ID2: variants seen among roughly 807,000 people sequenced by gnomAD.
ID2 encodes the protein DNA-binding protein inhibitor ID-2.
ID2 carries 2 observed loss-of-function variants against 8.3 expected under a neutral mutation model. That is an observed-to-expected ratio of 0.24 (90% CI 0.10 to 0.76). The LOEUF is 0.76. ID2 is among the 30% of genes least tolerant of loss of function. ID2 has a pLI of 0.73. For missense variants in ID2, 155 were observed against 167.0 expected (o/e 0.93, Z 0.40); for synonymous variants, 112 against 72.3 (o/e 1.55, Z -2.79).
Position 8,683,781 on chromosome 2 carries a change from GA to G in ID2, c.*105del, listed in dbSNP as rs1662162397. 6.6e-6 allele frequency: 1 copy of G among 152,212 alleles called. No homozygotes were observed. The highest frequency in any genetic ancestry group is 2.4e-5 in the African/African-American group (1 of 41,234). 9.4% of individuals were successfully genotyped at this position (152,212 alleles called of 1,614,324 possible). On this transcript the variant is annotated 3_prime_UTR_variant, in exon 3 of 3. Transcript: ENST00000396290. Reference sequence around the variant, plus strand: ...ACTTATTTTTCAACCATTTCACAAGGAGGACAAGTTGAATGGACCTTTTTAA... The same window carrying G: ...ACTTATTTTTCAACCATTTCACAAGGGGACAAGTTGAATGGACCTTTTTAA...
intron 1 of ID2, 61 bp from the exon 2 acceptor site, chr2:8,682,782 A>AAAAAAAC (rs1662120969): frequency 9.2e-6 from 8 of 870,690 alleles, no homozygotes; most frequent in African/African-American, 1.7e-5. Context: ...AAAAAAAAAA[A>AAAAAAAC]AAAAACCCTT....
chr2:8,684,124 A>T lies in ID2; in HGVS notation c.*447A>T, dbSNP rs1572357785. On this transcript the variant is annotated 3_prime_UTR_variant, in exon 3 of 3. Transcript: ENST00000396290. ...CACAAGCCTACTGAATGCTGTGTAT[A>T]TATTTATATATAAATATATCTATTT... The T allele has an allele frequency of 6.6e-6, 1 of 152,362 alleles. No homozygotes were observed. Among genetic ancestry groups the T allele is most frequent in the East Asian group, 1.9e-4 (1 of 5,186 alleles). 9.4% of individuals were successfully genotyped at this position (152,362 alleles called of 1,614,324 possible). A position where few individuals can be genotyped will look rare whatever the true frequency, so the allele number is the denominator to read the frequency against.
Position 8,682,129 on chromosome 2 carries a change from C to T in ID2, c.-37C>T, listed in dbSNP as rs1662091429. Reference sequence around the variant, plus strand: ...GCGGCGGCCTGAGCTTCAGGGCAGCCAGCTCCCTCCCGGTCTCGCCTTCCC... The same window carrying T: ...GCGGCGGCCTGAGCTTCAGGGCAGCTAGCTCCCTCCCGGTCTCGCCTTCCC... On this transcript the variant is annotated 5_prime_UTR_variant, in exon 1 of 3. Coordinates refer to ENST00000396290, the MANE Select transcript of ID2 (RefSeq NM_002166.5). The T allele has an allele frequency of 1.3e-6, 2 of 1,555,452 alleles. No individual in the cohort carries two copies. Among genetic ancestry groups the T allele is most frequent in the East Asian group, 2.2e-5 (1 of 44,552 alleles).
chr2:8,682,615 G>A (rs564978708), intron 1 of ID2, 102 bp downstream of exon 1: 3 of 840,386 alleles, frequency 3.6e-6, no homozygotes, highest in South Asian at 3.3e-5. Flanking sequence ...TTTCGTATGA[G>A]CTATTTAACT....
At position 8,682,069 on chromosome 2, in the gene ID2, C is replaced by T. The variant is rs1161387017; in HGVS notation, c.-97C>T. 4.2e-6 allele frequency: 4 copies of T among 958,814 alleles called. No homozygotes were observed. Among genetic ancestry groups the T allele is most frequent in the Non-Finnish European group, 4.7e-6 (3 of 633,292 alleles). The allele number at this position is 958,814 out of a possible 1,614,324, so 59.4% of individuals were successfully genotyped here. On this transcript the variant is annotated 5_prime_UTR_variant, in exon 1 of 3. Coordinates refer to ENST00000396290, the MANE Select transcript of ID2 (RefSeq NM_002166.5). ...GGCTCGGGCTTCATTCTGAGCCGAG[C>T]CCGGTGCCAAGCGCAGCTAGCTCAG...
In ID2 at chr2:8,682,563, C is replaced by T. The variant is rs768297218; in HGVS notation, c.348+50C>T. 6.5e-6 allele frequency: 9 copies of T among 1,389,310 alleles called. No individual in the cohort carries two copies. In the South Asian group the frequency reaches 8.3e-5, roughly 13 times the overall value. 86.1% of individuals were successfully genotyped at this position (1,389,310 alleles called of 1,614,324 possible). On this transcript the variant is annotated intron_variant, in intron 1 of 2. Coordinates refer to ENST00000396290, the MANE Select transcript of ID2 (RefSeq NM_002166.5). Reference sequence around the variant, plus strand: ...CCCCGCCGCCGCACACTCCCGCGGTCGTCTGGGCTGTCACTAGGAGATCCG... The same window carrying T: ...CCCCGCCGCCGCACACTCCCGCGGTTGTCTGGGCTGTCACTAGGAGATCCG...
intron 1 of ID2, 135 bp downstream of exon 1, chr2:8,682,648 T>C: frequency 1.4e-6 from 1 of 726,944 alleles, no homozygotes; most frequent in South Asian, 1.8e-5. Context: ...GAATCTGCTG[T>C]AGATTGAGCT....
Position 8,682,339 on chromosome 2 carries a change from G to A in ID2, c.174G>A (p.Lys58=), listed in dbSNP as rs765559115. 6.8e-6 allele frequency: 11 copies of A among 1,614,060 alleles called. No homozygotes were observed. The highest frequency in any genetic ancestry group is 8.5e-6 in the Non-Finnish European group (10 of 1,180,034). ...ELVPSIPQNK[K]VSKMEILQHV... ...TGCCCAGCATCCCCCAGAACAAGAAGGTGAGCAAGATGGAAATCCTGCAGC... is the reference window on the plus strand; with the variant it reads ...TGCCCAGCATCCCCCAGAACAAGAAAGTGAGCAAGATGGAAATCCTGCAGC... The change falls in exon 1 of 3, where the codon AAG becomes AAA. Residue 58 remains lysine (K), a synonymous_variant. Transcript: ENST00000396290.
chr2:8,682,749 G>T, intron 1 of ID2, 94 bp from the exon 2 acceptor site: 1 of 980,074 alleles, frequency 1.0e-6, no homozygotes, highest in South Asian at 1.4e-5. Flanking sequence ...GGAACTTGCT[G>T]GTCTGTGGAC....
intron 2 of ID2, 196 bp downstream of exon 2, chr2:8,683,102 A>G (rs1489893262): frequency 1.5e-5 from 9 of 597,048 alleles, no homozygotes; most frequent in African/African-American, 1.5e-4. Flanking sequence ...ATCACAGAAC[A>G]TTTTCCTTTA....
At position 8,683,893 on chromosome 2, in the gene ID2, GAA is replaced by G. The variant is rs1285212823; in HGVS notation, c.*220_*221del. On this transcript the variant is annotated 3_prime_UTR_variant, in exon 3 of 3. Transcript: ENST00000396290. ...TTGGACTGTGATATTCGTTATTTAT[GAA>G]AAAGACTTTTAAATGCCCTTTCTGC... The G allele has an allele frequency of 6.6e-6, 1 of 152,492 alleles. No individual in the cohort carries two copies. 9.4% of individuals were successfully genotyped at this position (152,492 alleles called of 1,614,324 possible).
At position 8,682,264 on chromosome 2, in the gene ID2, G is replaced by A; in HGVS notation, c.99G>A (p.Met33Ile). Residue 33 changes from methionine (M) to isoleucine (I), a missense_variant, in exon 1 of 3, where the codon ATG (methionine) becomes ATA (isoleucine). Physicochemically the swap from Met to Ile is conservative, Grantham distance 10. Coordinates refer to ENST00000396290, the MANE Select transcript of ID2 (RefSeq NM_002166.5). ...GCAAAACCCCTGTGGACGACCCGATGAGCCTGCTATACAACATGAACGACT... is the reference window on the plus strand; with the variant it reads ...GCAAAACCCCTGTGGACGACCCGATAAGCCTGCTATACAACATGAACGACT... ...SRSKTPVDDP[M>I]SLLYNMNDCY... 1 of 1,614,124 alleles carries A rather than the reference G, an allele frequency of 6.2e-7. No homozygotes were observed. The highest frequency in any genetic ancestry group is 1.1e-5 in the South Asian group (1 of 91,086).
At chr2:8,683,145 G>A (rs1167377810) in intron 2 of ID2, 3 of 559,834 alleles carry the variant, frequency 5.4e-6, no homozygotes, top group South Asian at 2.1e-5. Context: ...TACTACGAAG[G>A]CGGCCGAGGA....
At chr2:8,682,689 G>T in intron 1 of ID2, 154 bp from the exon 2 acceptor site, 1 of 695,872 alleles carries the variant, frequency 1.4e-6, no homozygotes, top group East Asian at 2.8e-5. Context: ...GTTCTGACAT[G>T]TTAATGCGTC....
At position 8,683,984 on chromosome 2, in the gene ID2, G is replaced by A. The variant is rs901125964; in HGVS notation, c.*307G>A. The A allele has an allele frequency of 6.6e-6, 1 of 152,478 alleles. No individual in the cohort carries two copies. Among genetic ancestry groups the A allele is most frequent in the African/African-American group, 2.4e-5 (1 of 41,442 alleles). The allele number at this position is 152,478 out of a possible 1,614,324, so 9.4% of individuals were successfully genotyped here. A position where few individuals can be genotyped will look rare whatever the true frequency, so the allele number is the denominator to read the frequency against. On this transcript the variant is annotated 3_prime_UTR_variant, in exon 3 of 3. Coordinates refer to ENST00000396290, the MANE Select transcript of ID2 (RefSeq NM_002166.5). ...GGAGCGAAAACGTTAAAATCACAAG[G>A]AATTGCCCAATCTAAGCAGACTTTG...
chr2:8,682,095 C>A lies in ID2; in HGVS notation c.-71C>A. 1 of 1,257,016 alleles carries A rather than the reference C, an allele frequency of 8.0e-7. No homozygotes were observed. Among genetic ancestry groups the A allele is most frequent in the Non-Finnish European group, 1.1e-6 (1 of 882,170 alleles). The allele number at this position is 1,257,016 out of a possible 1,614,324, so 77.9% of individuals were successfully genotyped here. On this transcript the variant is annotated 5_prime_UTR_variant, in exon 1 of 3. Transcript: ENST00000396290. ...CCGGTGCCAAGCGCAGCTAGCTCAG[C>A]AGGCGGCAGCGGCGGCCTGAGCTTC...
intron 2 of ID2, among the ~76,000 whole-genome samples, chr2:8,683,371 CCTAT>C (rs1052581856): frequency 1.1e-4 from 16 of 152,150 alleles, no homozygotes; most frequent in African/African-American, 7.2e-5. Context: ...CCCAGACTTC[CCTAT>C]CTGTTAACTA....
rs1237573129 is a variant in ID2, at chr2:8,682,234, C to T, written c.69C>T (p.Ser23=). Residue 23 remains serine, a synonymous_variant, in exon 1 of 3, where the codon TCC becomes TCT. Transcript: ENST00000396290. ...TGTCGGACCACAGCCTGGGCATCTC[C>T]CGGAGCAAAACCCCTGTGGACGACC... ...NSLSDHSLGI[S]RSKTPVDDPM... The T allele has an allele frequency of 6.2e-7, 1 of 1,614,096 alleles. No homozygotes were observed. The highest frequency in any genetic ancestry group is 8.5e-7 in the Non-Finnish European group (1 of 1,180,036).
At chr2:8,682,752 C>T (rs1278669086) in intron 1 of ID2, 91 bp from the exon 2 acceptor site, 11 of 968,434 alleles carry the variant, frequency 1.1e-5, no homozygotes, top group Non-Finnish European at 1.8e-5. Context: ...ACTTGCTGGT[C>T]TGTGGACTAC....
Sources: allele counts gnomAD v4.1 joint callset (sites outside exome capture counted in the v4.1 genomes callset), GRCh38; gene constraint gnomAD v4.1.1; transcripts MANE v1.5; gene names NCBI Gene and HGNC (gene_info 2026-07-23, HGNC 2026-07-21).